STXBP5L: variants seen among roughly 807,000 people sequenced by gnomAD.
The protein encoded by STXBP5L is syntaxin binding protein 5L.
A neutral mutation model predicts 144.5 loss-of-function variants in STXBP5L; 65 were observed. The observed-to-expected ratio is 0.45, with a 90% CI of 0.37 to 0.55. STXBP5L has a LOEUF of 0.55. Among genes scored for constraint, STXBP5L ranks in the 20% least tolerant of loss-of-function variants. The probability of loss-of-function intolerance (pLI) is 0.00; values close to 1 mark genes in which losing one functional copy is unlikely to be tolerated. For synonymous variants in STXBP5L, 505 were observed against 469.6 expected, an observed-to-expected ratio of 1.08 and a Z score of -0.97; for missense variants, 1,298 against 1,405.5, an observed-to-expected ratio of 0.92 and a Z score of 1.22.
chr3:121,115,085 T>A (rs777990993), intron 6 of STXBP5L, 26 bp downstream of exon 6: 1 of 1,595,030 alleles, frequency 6.3e-7, no homozygotes. Context: ...GATATCACTT[T>A]ATTGGCTTAA....
At chr3:121,193,708 C>G (rs1371730709) in intron 9 of STXBP5L, among the ~76,000 whole-genome samples, 1 of 152,078 alleles carries the variant, frequency 6.6e-6, no homozygotes, top group Non-Finnish European at 1.5e-5. Flanking sequence ...TCATTCTCAG[C>G]AAACTATCAC....
chr3:121,257,065 A>G, intron 16 of STXBP5L, 96 bp from the exon 17 acceptor site: 2 of 927,656 alleles, frequency 2.2e-6, no homozygotes, highest in Non-Finnish European at 3.2e-6. Context: ...AAAAGTTATC[A>G]GGTATTTTAA....
intron 9 of STXBP5L, among the ~76,000 whole-genome samples, chr3:121,163,465 T>A (rs1273492743): frequency 6.6e-6 from 1 of 151,872 alleles, no homozygotes; most frequent in Non-Finnish European, 1.5e-5. Context: ...GACAAATACC[T>A]AATGCATGCC....
At chr3:121,085,532 A>T (rs931685278) in intron 5 of STXBP5L, among the ~76,000 whole-genome samples, 1 of 152,176 alleles carries the variant, frequency 6.6e-6, no homozygotes, top group South Asian at 2.1e-4. Context: ...TACACCAACA[A>T]TAGACAAACA....
intron 3 of STXBP5L, among the ~76,000 whole-genome samples, chr3:120,994,734 A>T (rs192674534): frequency 2.8e-4 from 43 of 151,280 alleles, no homozygotes; most frequent in Admixed American, 5.3e-4. Flanking sequence ...AATGGTCTGT[A>T]GTTTTCTTTT....
chr3:121,057,827 T>C (rs757832520), intron 5 of STXBP5L, among the ~76,000 whole-genome samples: 10 of 152,058 alleles, frequency 6.6e-5, no homozygotes, highest in Non-Finnish European at 7.4e-5. Flanking sequence ...TTTTAAATTC[T>C]TTTTATATCT....
At chr3:121,169,799 T>C (rs2046639476) in intron 9 of STXBP5L, among the ~76,000 whole-genome samples, 1 of 152,072 alleles carries the variant, frequency 6.6e-6, no homozygotes, top group African/African-American at 2.4e-5. Flanking sequence ...AGACAGAAAA[T>C]TAACAAGGAT....
chr3:121,362,946 A>C (rs1391045905), intron 20 of STXBP5L, among the ~76,000 whole-genome samples: 1 of 151,958 alleles, frequency 6.6e-6, no homozygotes, highest in Non-Finnish European at 1.5e-5. Flanking sequence ...TACAGTTAGG[A>C]GGTGATCAAT....
intron 9 of STXBP5L, among the ~76,000 whole-genome samples, chr3:121,182,919 C>T (rs1051082634): frequency 6.6e-6 from 1 of 152,164 alleles, no homozygotes. Context: ...TAACAAAATA[C>T]TAGCTAACCG....
rs59403490 is a variant in STXBP5L at position 121,083,849 on chromosome 3, A to AT, written c.471-31070dup. Among the ~76,000 whole-genome samples, 1,192 of 152,096 alleles carry AT rather than the reference A, an allele frequency of 7.8e-3. 13 individuals carry two copies. Among genetic ancestry groups the AT allele is most frequent in the African/African-American group, 0.028 (1,149 of 41,482 alleles). ...TGTGCTAGTTTACAGTTTCTGAGGAATTTTTTCATTTCATCTAAGTTGTTA... is the reference window on the plus strand; with the variant it reads ...TGTGCTAGTTTACAGTTTCTGAGGAATTTTTTTCATTTCATCTAAGTTGTTA... On this transcript the variant is annotated intron_variant, in intron 5 of 26. Coordinates refer to ENST00000471454, the MANE Select transcript of STXBP5L (RefSeq NM_001308330.2).
intron 18 of STXBP5L, among the ~76,000 whole-genome samples, chr3:121,266,547 TC>T (rs2108406044): frequency 6.6e-6 from 1 of 152,110 alleles, no homozygotes; most frequent in East Asian, 1.9e-4. Flanking sequence ...CTGGGAGCAT[TC>T]CCTTTGAAAA....
At chr3:121,106,961 T>C (rs114157817) in intron 5 of STXBP5L, among the ~76,000 whole-genome samples, 2 of 152,226 alleles carry the variant, frequency 1.3e-5, no homozygotes, top group Non-Finnish European at 1.5e-5. Context: ...TGGTATTACA[T>C]TGTGGTTTTG....
chr3:120,970,944 ACCCTGC>A (rs1940176163), intron 3 of STXBP5L, among the ~76,000 whole-genome samples: 1 of 151,972 alleles, frequency 6.6e-6, no homozygotes, highest in South Asian at 2.1e-4. Context: ...TGGAATTAAA[ACCCTGC>A]CCTGTTGTTT....
chr3:121,190,377 G>T (rs1164099199), intron 9 of STXBP5L, among the ~76,000 whole-genome samples: 1 of 152,156 alleles, frequency 6.6e-6, no homozygotes, highest in Non-Finnish European at 1.5e-5. Context: ...TGGGGATAAG[G>T]TTATAGATTA....
intron 4 of STXBP5L, among the ~76,000 whole-genome samples, chr3:121,042,316 G>A (rs145036736): frequency 6.6e-6 from 1 of 152,098 alleles, no homozygotes; most frequent in Non-Finnish European, 1.5e-5. Context: ...TAAAATTATG[G>A]TGATGAGGAA....
chr3:120,912,718 A>G (rs527561437), intron 2 of STXBP5L, among the ~76,000 whole-genome samples: 88 of 152,086 alleles, frequency 5.8e-4, no homozygotes, highest in African/African-American at 2.0e-3. Flanking sequence ...TGTGAAATAC[A>G]TGAACTGCCT....
At chr3:121,065,253 A>G (rs1205141532) in intron 5 of STXBP5L, among the ~76,000 whole-genome samples, 2 of 152,180 alleles carry the variant, frequency 1.3e-5, no homozygotes, top group African/African-American at 2.4e-5. Context: ...TTGGGTATAT[A>G]CCCAGTAATG....
At chr3:121,096,711 C>T (rs961509072) in intron 5 of STXBP5L, among the ~76,000 whole-genome samples, 1 of 151,990 alleles carries the variant, frequency 6.6e-6, no homozygotes, top group South Asian at 2.1e-4. Flanking sequence ...GTTTTTTCCT[C>T]TGGAATCTTT....
intron 23 of STXBP5L, among the ~76,000 whole-genome samples, chr3:121,412,645 T>A (rs2047138487): frequency 6.6e-6 from 1 of 150,490 alleles, no homozygotes; most frequent in South Asian, 2.1e-4. Flanking sequence ...GACATTAGTA[T>A]TTCTGATAAT....
Sources: gnomAD v4.1 joint callset for allele counts (sites outside exome capture counted in the v4.1 genomes callset) on GRCh38, gnomAD v4.1.1 for gene constraint, MANE v1.5 for transcripts, NCBI Gene and HGNC (gene_info 2026-07-23, HGNC 2026-07-21) for gene names.